Variants in SPMIP5 observed in about 807,000 individuals in gnomAD.
SPMIP5 encodes sperm-associated microtubule inner protein 5.
chr10:116,666,159 A>C, the SPMIP5 span, among the ~76,000 whole-genome samples: 46 of 152,384 alleles, frequency 3.0e-4, no homozygotes, highest in African/African-American at 1.1e-3. Context: ...TGATAGTCTA[A>C]GGAGTAATTG....
At chr10:116,663,917 C>A in the SPMIP5 span, 1 of 1,536,446 alleles carries the variant, frequency 6.5e-7, no homozygotes. Context: ...TAGCCTTCTG[C>A]ATACTTTGCG....
chr10:116,668,751 A>G, the SPMIP5 span, among the ~76,000 whole-genome samples: 1 of 151,860 alleles, frequency 6.6e-6, no homozygotes, highest in East Asian at 1.9e-4. Context: ...GCACACCCCC[A>G]GACCTCCTTC....
At chr10:116,664,190 G>A in the SPMIP5 span, 19 of 1,614,086 alleles carry the variant, frequency 1.2e-5, 1 homozygote, top group South Asian at 8.8e-5. Context: ...TAGAAAAATC[G>A]GGATATTTTG....
chr10:116,665,630 C>A, the SPMIP5 span: 1 of 1,613,778 alleles, frequency 6.2e-7, no homozygotes, highest in East Asian at 2.2e-5. Context: ...GGTGGTACTG[C>A]AGATTGTACT....
chr10:116,664,693 C>A, the SPMIP5 span: 1 of 1,571,094 alleles, frequency 6.4e-7, no homozygotes, highest in Admixed American at 1.8e-5. Context: ...ATCTGGTAAA[C>A]CCCCATCCTG....
the SPMIP5 span, chr10:116,664,836 A>G: frequency 6.2e-7 from 1 of 1,614,052 alleles, no homozygotes; most frequent in African/African-American, 1.3e-5. Context: ...GTTTTTGGCC[A>G]TGACAGTGTA....
chr10:116,663,964 G>A, the SPMIP5 span: 1 of 1,539,104 alleles, frequency 6.5e-7, no homozygotes, highest in Non-Finnish European at 8.7e-7. Context: ...CCCACTGCAT[G>A]GTATACTTGG....
chr10:116,668,781 G>A, the SPMIP5 span, among the ~76,000 whole-genome samples: 1 of 151,980 alleles, frequency 6.6e-6, no homozygotes, highest in South Asian at 2.1e-4. Context: ...GTGAAATCAG[G>A]TTGCAGTGGT....
chr10:116,664,636 C>A, the SPMIP5 span: 1 of 1,503,500 alleles, frequency 6.7e-7, no homozygotes, highest in Non-Finnish European at 8.8e-7. Flanking sequence ...GAGGCACCTT[C>A]TCTAAGACAA....
the SPMIP5 span, chr10:116,668,359 A>C: frequency 1.5e-5 from 22 of 1,497,384 alleles, no homozygotes; most frequent in Non-Finnish European, 1.9e-5. Flanking sequence ...AAACGGTCTC[A>C]TCAAAAGTCA....
the SPMIP5 span, chr10:116,665,208 G>A: frequency 2.3e-5 from 19 of 837,814 alleles, no homozygotes; most frequent in South Asian, 1.2e-4. Flanking sequence ...ACCACCCTCG[G>A]CAACATGGTG....
At chr10:116,662,704 G>T in the SPMIP5 span, among the ~76,000 whole-genome samples, 1 of 152,048 alleles carries the variant, frequency 6.6e-6, no homozygotes, top group African/African-American at 2.4e-5. Flanking sequence ...CCTGCTGGTG[G>T]CAAGATGATG....
the SPMIP5 span, chr10:116,663,753 A>G: frequency 1.2e-6 from 1 of 801,542 alleles, no homozygotes; most frequent in Non-Finnish European, 1.9e-6. Context: ...ATCATTAATG[A>G]CATGCAACCG....
chr10:116,666,591 C>T, the SPMIP5 span, among the ~76,000 whole-genome samples: 3 of 152,110 alleles, frequency 2.0e-5, no homozygotes, highest in African/African-American at 7.2e-5. Flanking sequence ...CAAAACCTGG[C>T]TTCAGAGTTG....
chr10:116,663,664 C>A, the SPMIP5 span: 1 of 464,528 alleles, frequency 2.2e-6, no homozygotes, highest in Non-Finnish European at 3.8e-6. Flanking sequence ...GTCAACATAA[C>A]CTGGAGAAAA....
chr10:116,662,796 G>A, the SPMIP5 span, among the ~76,000 whole-genome samples: 1 of 152,114 alleles, frequency 6.6e-6, no homozygotes, highest in South Asian at 2.1e-4. Flanking sequence ...GACTTATTTG[G>A]AACTAGAGTC....
chr10:116,665,732 T>C, the SPMIP5 span: 7 of 1,614,182 alleles, frequency 4.3e-6, no homozygotes, highest in Non-Finnish European at 5.1e-6. Flanking sequence ...GCAGCTGTTC[T>C]TTATAGCGCT....
chr10:116,664,750 GC>G, the SPMIP5 span: 1 of 1,613,340 alleles, frequency 6.2e-7, no homozygotes, highest in Non-Finnish European at 8.5e-7. Context: ...ACGGACCCAA[GC>G]CAGACTCACT....
chr10:116,663,317 C>T, the SPMIP5 span, among the ~76,000 whole-genome samples: 1 of 152,192 alleles, frequency 6.6e-6, no homozygotes, highest in Admixed American at 6.5e-5. Context: ...GGATTCCCCA[C>T]GGGTTTCAGA....
Sources: allele counts gnomAD v4.1 joint callset (sites outside exome capture counted in the v4.1 genomes callset), GRCh38; gene constraint gnomAD v4.1.1; transcripts MANE v1.5; gene names NCBI Gene and HGNC (gene_info 2026-07-23, HGNC 2026-07-21).